The following TBK1 variants were observed in gnomAD, a reference collection of about 807,000 sequenced individuals.
TBK1 encodes the protein serine/threonine-protein kinase TBK1.
Under a neutral mutation model 99.9 loss-of-function variants are expected in TBK1, and 37 were observed. The observed-to-expected ratio is 0.37, with a 90% CI of 0.28 to 0.49. The LOEUF is 0.49. Ranked by LOEUF, TBK1 falls within the 20% of genes least tolerant of loss-of-function variation. The probability of loss-of-function intolerance (pLI) is 0.98; values close to 1 mark genes in which losing one functional copy is unlikely to be tolerated. For missense variants in TBK1, 644 were observed against 872.5 expected (o/e 0.74, Z 3.30); for synonymous variants, 258 against 279.8 (o/e 0.92, Z 0.78).
intron 19 of TBK1, 93 bp from the exon 20 acceptor site, chr12:64,497,874 AT>A: frequency 7.2e-7 from 1 of 1,394,070 alleles, no homozygotes; most frequent in Non-Finnish European, 1.0e-6. Flanking sequence ...TAATAAGGTT[AT>A]CTATTGACCA....
chr12:64,470,871 C>G (rs1176272287), intron 5 of TBK1, among the ~76,000 whole-genome samples: 1 of 152,198 alleles, frequency 6.6e-6, no homozygotes, highest in Non-Finnish European at 1.5e-5. Flanking sequence ...GCTTTTGCCT[C>G]TAAGACTTTT....
rs879722648 is a variant in TBK1 at position 64,486,601 on chromosome 12, A to AT, written c.1340+597dup. On this transcript the variant is annotated intron_variant, in intron 11 of 20. Coordinates refer to ENST00000331710, the MANE Select transcript of TBK1 (RefSeq NM_013254.4). The stretch of plus-strand genomic sequence containing the variant: ...AGGCATGCCCCACCACACCCAGCTA[A>AT]TTTTTTTTTTTTTAGTGATGGGGGG... Among the ~76,000 whole-genome samples, 511 of 140,456 alleles carry AT rather than the reference A, an allele frequency of 3.6e-3. 1 individual carries two copies. The highest frequency in any genetic ancestry group is 0.011 in the African/African-American group (401 of 37,584). The allele number at this position is 140,456 out of a possible 152,430, so 92.1% of individuals were successfully genotyped here. A position where few individuals can be genotyped will look rare whatever the true frequency, so the allele number is the denominator to read the frequency against.
At chr12:64,485,543 C>G (rs2040812267) in intron 10 of TBK1, 30 bp downstream of exon 10, 1 of 1,202,050 alleles carries the variant, frequency 8.3e-7, no homozygotes, top group Admixed American at 2.1e-5. Context: ...ACTATGTAAA[C>G]ATCTGAATTT....
chr12:64,499,844 C>T (rs2040970060), intron 20 of TBK1, among the ~76,000 whole-genome samples: 1 of 151,816 alleles, frequency 6.6e-6, no homozygotes, highest in Non-Finnish European at 1.5e-5. Flanking sequence ...ACTACAGGCA[C>T]ACGCCACCAT....
chr12:64,472,767 G>A (rs1565816441), intron 5 of TBK1, among the ~76,000 whole-genome samples: 2 of 152,140 alleles, frequency 1.3e-5, no homozygotes, highest in Non-Finnish European at 2.9e-5. Context: ...ATAAAATAAT[G>A]ATAGCTGATG....
In TBK1 at chr12:64,457,232, G is replaced by C. The variant is rs146219893; in HGVS notation, c.87+1275G>C. Among the ~76,000 whole-genome samples the C allele has an allele frequency of 1.4e-3, 215 of 152,276 alleles. 1 individual carries two copies. The highest frequency in any genetic ancestry group is 5.1e-3 in the African/African-American group (211 of 41,548). On this transcript the variant is annotated intron_variant, in intron 2 of 20. Coordinates refer to ENST00000331710, the MANE Select transcript of TBK1 (RefSeq NM_013254.4). ...GGAGGGGCTGTTTCCTCTGGGGAGA[G>C]AATATTGACTATAAACACCCTTTAT...
At chr12:64,453,930 G>A (rs955126712) in intron 1 of TBK1, among the ~76,000 whole-genome samples, 3 of 152,088 alleles carry the variant, frequency 2.0e-5, no homozygotes, top group Admixed American at 6.5e-5. Context: ...AGAAGAGTTC[G>A]TAACTTTTCA....
chr12:64,463,343 G>A (rs1416986085), intron 3 of TBK1, among the ~76,000 whole-genome samples: 1 of 151,444 alleles, frequency 6.6e-6, no homozygotes, highest in African/African-American at 2.4e-5. Flanking sequence ...TCGCGCCACT[G>A]CGCTCCAGCC....
intron 5 of TBK1, among the ~76,000 whole-genome samples, chr12:64,470,544 A>ACATTCTTGG (rs1420122029): frequency 6.6e-6 from 1 of 152,238 alleles, no homozygotes; most frequent in African/African-American, 2.4e-5. Context: ...AACTAAAAGT[A>ACATTCTTGG]AATTTAAATA....
chr12:64,486,941 A>T (rs1218188485), intron 11 of TBK1, among the ~76,000 whole-genome samples: 3 of 152,178 alleles, frequency 2.0e-5, no homozygotes, highest in African/African-American at 7.2e-5. Flanking sequence ...CCTGTTCCAG[A>T]CATTTCATAT....
intron 6 of TBK1, among the ~76,000 whole-genome samples, chr12:64,477,433 A>C (rs920941035): frequency 1.3e-5 from 2 of 152,120 alleles, no homozygotes; most frequent in Non-Finnish European, 2.9e-5. Context: ...GGTAAATGGG[A>C]TTGCGTTCTT....
At chr12:64,488,086 A>G (rs372317355) in intron 11 of TBK1, among the ~76,000 whole-genome samples, 10 of 152,356 alleles carry the variant, frequency 6.6e-5, no homozygotes, top group African/African-American at 2.2e-4. Context: ...TCTGGTCCCA[A>G]GCATTTCAGA....
chr12:64,455,613 A>G (rs543354613), intron 1 of TBK1, among the ~76,000 whole-genome samples: 1 of 152,340 alleles, frequency 6.6e-6, no homozygotes, highest in African/African-American at 2.4e-5. Flanking sequence ...AGGAAAATCT[A>G]ACTTGAATCA....
chr12:64,482,359 C>T (rs1027718429), intron 8 of TBK1, among the ~76,000 whole-genome samples: 1 of 152,104 alleles, frequency 6.6e-6, no homozygotes, highest in Non-Finnish European at 1.5e-5. Flanking sequence ...TACTATCCTG[C>T]CATGTTAAAA....
intron 18 of TBK1, 95 bp downstream of exon 18, chr12:64,497,354 C>G: frequency 4.5e-6 from 4 of 890,168 alleles, no homozygotes; most frequent in Non-Finnish European, 6.6e-6. Flanking sequence ...TGCCTACATT[C>G]AGTTCCACCC....
At chr12:64,457,369 A>G (rs1310046794) in intron 2 of TBK1, among the ~76,000 whole-genome samples, 1 of 152,196 alleles carries the variant, frequency 6.6e-6, no homozygotes, top group African/African-American at 2.4e-5. Flanking sequence ...CTTGCGATCA[A>G]TCCTGGGTAC....
At position 64,474,402 on chromosome 12, in the gene TBK1, C is replaced by T. The variant is rs1440394788; in HGVS notation, c.701+12C>T. 1 of 1,596,408 alleles carries T rather than the reference C, an allele frequency of 6.3e-7. No homozygotes were observed. Among genetic ancestry groups the T allele is most frequent in the African/African-American group, 1.3e-5 (1 of 74,340 alleles). On this transcript the variant is annotated intron_variant, in intron 6 of 20. Coordinates refer to ENST00000331710, the MANE Select transcript of TBK1 (RefSeq NM_013254.4). ...AATAAAGAAGTGATGTAAGTGGTTT[C>T]CCGATCTAAAATCAGAGAAGCATTT...
At chr12:64,489,204 C>T (rs1178248913) in intron 12 of TBK1, among the ~76,000 whole-genome samples, 3 of 152,044 alleles carry the variant, frequency 2.0e-5, no homozygotes, top group Non-Finnish European at 2.9e-5. Flanking sequence ...TTGTAATCAA[C>T]AAAGGAAATA....
intron 2 of TBK1, among the ~76,000 whole-genome samples, chr12:64,456,766 C>T (rs2040492913): frequency 6.6e-6 from 1 of 151,314 alleles, no homozygotes; most frequent in Admixed American, 6.6e-5. Flanking sequence ...GGTGTGAACC[C>T]AGGAGGCGGA....
Sources: gnomAD v4.1 joint callset for allele counts (sites outside exome capture counted in the v4.1 genomes callset) on GRCh38, gnomAD v4.1.1 for gene constraint, MANE v1.5 for transcripts, NCBI Gene and HGNC (gene_info 2026-07-23, HGNC 2026-07-21) for gene names.